The following KRABD2 variants were observed in gnomAD, a reference collection of about 807,000 sequenced individuals.
KRABD2 encodes the protein KRAB domain-containing protein 2.
At chr17:8,363,815 CATAT>C in the KRABD2 span, among the ~76,000 whole-genome samples, 6 of 101,528 alleles carry the variant, frequency 5.9e-5, no homozygotes, top group African/African-American at 2.4e-4. Flanking sequence ...ATATATCATA[CATAT>C]ATATATCATA....
At chr17:8,374,487 C>T in the KRABD2 span, among the ~76,000 whole-genome samples, 1 of 151,984 alleles carries the variant, frequency 6.6e-6, no homozygotes, top group Non-Finnish European at 1.5e-5. Context: ...ACAAACACTG[C>T]GGAAGGCCGC....
At chr17:8,368,096 G>GA in the KRABD2 span, among the ~76,000 whole-genome samples, 2,138 of 146,772 alleles carry the variant, frequency 0.015, 40 homozygotes, top group African/African-American at 0.041. Context: ...CTAAAAAAAT[G>GA]AAAAAAAAAA....
the KRABD2 span, among the ~76,000 whole-genome samples, chr17:8,363,830 C>CATACATAT: frequency 1.5e-3 from 128 of 86,946 alleles, no homozygotes; most frequent in African/African-American, 5.4e-3. Context: ...ATATATCATA[C>CATACATAT]ATATATATAT....
At chr17:8,375,841 C>A in the KRABD2 span, 1 of 1,154,944 alleles carries the variant, frequency 8.7e-7, no homozygotes, top group Non-Finnish European at 1.1e-6. Context: ...AGGTGATAAA[C>A]GAGTTGGTCA....
chr17:8,361,865 T>TAAGCATTGACC, the KRABD2 span, among the ~76,000 whole-genome samples: 1 of 152,226 alleles, frequency 6.6e-6, no homozygotes, highest in African/African-American at 2.4e-5. Flanking sequence ...AAGATGGTTA[T>TAAGCATTGACC]AAGCATTGAC....
At chr17:8,362,309 G>A in the KRABD2 span, among the ~76,000 whole-genome samples, 11 of 151,148 alleles carry the variant, frequency 7.3e-5, no homozygotes, top group Admixed American at 2.0e-4. The surrounding 1 kb of genome is among the most constrained non-coding windows in gnomAD (Gnocchi z 4.2). Context: ...CAGCCTGGGC[G>A]ACAGAGGAAG....
chr17:8,361,723 C>T, the KRABD2 span, among the ~76,000 whole-genome samples: 1 of 152,090 alleles, frequency 6.6e-6, no homozygotes, highest in Non-Finnish European at 1.5e-5. Context: ...AACCTAATAC[C>T]ATGCCTCACT....
the KRABD2 span, chr17:8,370,463 C>T: frequency 5.5e-6 from 5 of 913,768 alleles, no homozygotes; most frequent in East Asian, 1.0e-4. Context: ...TAAAGTTCCT[C>T]ATCAATTCTT....
At chr17:8,359,541 G>C in the KRABD2 span, 2 of 455,748 alleles carry the variant, frequency 4.4e-6, no homozygotes, top group South Asian at 3.1e-5. Flanking sequence ...TACATACTTA[G>C]TGCTTATAAA....
At chr17:8,373,408 G>A in the KRABD2 span, 56 of 172,284 alleles carry the variant, frequency 3.3e-4, no homozygotes, top group Non-Finnish European at 3.6e-5. Context: ...GCTCCTGACC[G>A]CGAGTGGTCT....
the KRABD2 span, among the ~76,000 whole-genome samples, chr17:8,375,081 G>A: frequency 2.6e-5 from 4 of 151,324 alleles, no homozygotes; most frequent in Non-Finnish European, 4.4e-5. Flanking sequence ...GCGCGATCCC[G>A]GCTCACTGCC....
At chr17:8,361,885 G>A in the KRABD2 span, among the ~76,000 whole-genome samples, 2 of 152,198 alleles carry the variant, frequency 1.3e-5, no homozygotes, top group Admixed American at 6.5e-5. Flanking sequence ...CCTTGGACTT[G>A]ACACTTAGGT....
At chr17:8,371,022 A>T in the KRABD2 span, among the ~76,000 whole-genome samples, 2 of 152,202 alleles carry the variant, frequency 1.3e-5, no homozygotes, top group Non-Finnish European at 2.9e-5. Context: ...TACAAAATTT[A>T]GCCAGGTGTA....
At chr17:8,370,317 C>T in the KRABD2 span, 9 of 1,610,890 alleles carry the variant, frequency 5.6e-6, no homozygotes, top group African/African-American at 1.1e-4. Flanking sequence ...TTCCATTTCA[C>T]TTGCATTTGA....
chr17:8,372,164 G>C, the KRABD2 span: 4 of 711,760 alleles, frequency 5.6e-6, no homozygotes, highest in Non-Finnish European at 6.9e-6. The surrounding 1 kb of genome is among the most constrained non-coding windows in gnomAD (Gnocchi z 4.1). Context: ...AGGTCCGGAA[G>C]GTCCTTCACT....
At chr17:8,369,190 G>A in the KRABD2 span, 1 of 1,614,128 alleles carries the variant, frequency 6.2e-7, no homozygotes, top group Non-Finnish European at 8.5e-7. Context: ...GAAGCTTCAG[G>A]AGTGGGATCC....
chr17:8,360,104 C>G, the KRABD2 span, among the ~76,000 whole-genome samples: 1 of 152,024 alleles, frequency 6.6e-6, no homozygotes, highest in Non-Finnish European at 1.5e-5. Context: ...AACTCCTACG[C>G]CAAAGTTCCA....
chr17:8,371,180 T>A, the KRABD2 span: 8 of 814,982 alleles, frequency 9.8e-6, no homozygotes, highest in South Asian at 4.2e-5. Flanking sequence ...AAAAAAAAAA[T>A]TTCTTATGGC....
the KRABD2 span, chr17:8,370,494 AT>A: frequency 2.7e-6 from 2 of 747,300 alleles, no homozygotes; most frequent in Non-Finnish European, 4.2e-6. Context: ...TTTGAAGATG[AT>A]TATATGGAAG....
Sources: allele counts gnomAD v4.1 joint callset (sites outside exome capture counted in the v4.1 genomes callset), GRCh38; gene constraint gnomAD v4.1.1; non-coding constraint Gnocchi (gnomAD v3.1); transcripts MANE v1.5; gene names NCBI Gene and HGNC (gene_info 2026-07-23, HGNC 2026-07-21).